Variants in MEIS1 observed in about 807,000 individuals in gnomAD.
MEIS1 encodes the protein homeobox protein Meis1.
A neutral mutation model predicts 50.8 loss-of-function variants in MEIS1; 5 were observed. That is an observed-to-expected ratio of 0.10 (90% CI 0.05 to 0.21). The LOEUF is 0.21. Ranked by LOEUF, MEIS1 falls within the 10% of genes least tolerant of loss-of-function variation. MEIS1 has a pLI of 1.00. For synonymous variants in MEIS1, 176 were observed against 179.3 expected (o/e 0.98, Z 0.15); for missense variants, 318 against 517.3 (o/e 0.61, Z 3.74).
At chr2:66,487,493 C>A (rs1673172025) in intron 7 of MEIS1, among the ~76,000 whole-genome samples, 1 of 152,152 alleles carries the variant, frequency 6.6e-6, no homozygotes, top group African/African-American at 2.4e-5. Flanking sequence ...ACTGTTTAAC[C>A]ACTTATTTTG....
chr2:66,515,208 C>T (rs10865354), intron 8 of MEIS1, among the ~76,000 whole-genome samples: 78,219 of 152,076 alleles, frequency 0.51, 22,072 homozygotes, highest in African/African-American at 0.76. Context: ...TATTAGTAAA[C>T]TGTAAACTAG....
Position 66,547,982 on chromosome 2 carries a change from C to A in MEIS1, c.928C>A (p.Gln310Lys). 6.2e-7 allele frequency: 1 copy of A among 1,613,112 alleles called. No individual in the cohort carries two copies. The highest frequency in any genetic ancestry group is 8.5e-7 in the Non-Finnish European group (1 of 1,179,274). ...PSEEQKKQLA[Q>K]DTGLTILQVN... is the part of the protein sequence containing the mutation. ...TGAAGAACAGAAAAAGCAGTTGGCA[C>A]AAGACACGGGACTCACCATCCTTCA... The change falls in exon 9 of 13, where the codon CAA (glutamine) becomes AAA (lysine). Residue 310 changes from glutamine to lysine, a missense_variant. By Grantham distance (53) the Gln-to-Lys change is moderately conservative (BLOSUM62 1). Around this residue, in one of 6 missense-constraint regions of MEIS1, gnomAD observed 40 missense variants for 102.8 expected, o/e 0.39. Coordinates refer to ENST00000272369, the MANE Select transcript of MEIS1 (RefSeq NM_002398.3).
intron 7 of MEIS1, among the ~76,000 whole-genome samples, chr2:66,490,769 T>C (rs1673252608): frequency 6.6e-6 from 1 of 152,132 alleles, no homozygotes; most frequent in Non-Finnish European, 1.5e-5. Flanking sequence ...GCTTCCATTG[T>C]TTGTCCCCAC....
At chr2:66,555,289 C>T (rs1243545506) in intron 9 of MEIS1, among the ~76,000 whole-genome samples, 4 of 132,620 alleles carry the variant, frequency 3.0e-5, no homozygotes, top group Non-Finnish European at 6.3e-5. Flanking sequence ...TCGTCTCTCT[C>T]CACCCCCCAA....
intron 7 of MEIS1, among the ~76,000 whole-genome samples, chr2:66,510,257 A>AG (rs1673793406): frequency 6.6e-6 from 1 of 152,216 alleles, no homozygotes; most frequent in Non-Finnish European, 1.5e-5. Flanking sequence ...GGCAAATCCA[A>AG]GGGGACTTCT....
rs561649921 is a variant in MEIS1, at chr2:66,435,434, G to A, written c.-423G>A. ...GTTCTGACCAGAAGAAGACAGAGCGGATGATCATTCATTCACCACGTTGAC... is the reference window on the plus strand; with the variant it reads ...GTTCTGACCAGAAGAAGACAGAGCGAATGATCATTCATTCACCACGTTGAC... On this transcript the variant is annotated 5_prime_UTR_variant, in exon 1 of 13. Transcript: ENST00000272369. 2 of 295,880 alleles carry A rather than the reference G, an allele frequency of 6.8e-6. No homozygotes were observed. The highest frequency in any genetic ancestry group is 5.0e-5 in the Admixed American group (1 of 19,934). 18.3% of individuals were successfully genotyped at this position (295,880 alleles called of 1,614,324 possible).
At chr2:66,566,114 A>G (rs1371014745) in intron 9 of MEIS1, among the ~76,000 whole-genome samples, 1 of 152,312 alleles carries the variant, frequency 6.6e-6, no homozygotes, top group South Asian at 2.1e-4. Flanking sequence ...CAGGGACTTC[A>G]TATACAAGAA....
At chr2:66,500,925 A>G (rs531739856) in intron 7 of MEIS1, among the ~76,000 whole-genome samples, 2 of 152,314 alleles carry the variant, frequency 1.3e-5, no homozygotes, top group East Asian at 3.9e-4. Context: ...TTTTGCAGAT[A>G]TCACAAAAAT....
At chr2:66,524,448 G>C (rs1674200168) in intron 8 of MEIS1, among the ~76,000 whole-genome samples, 1 of 152,080 alleles carries the variant, frequency 6.6e-6, no homozygotes, top group Non-Finnish European at 1.5e-5. Flanking sequence ...TGTAGTCCCA[G>C]CTACTTGGGA....
At chr2:66,481,850 CTTTTT>C (rs996753363) in intron 7 of MEIS1, among the ~76,000 whole-genome samples, 2 of 90,180 alleles carry the variant, frequency 2.2e-5, no homozygotes, top group African/African-American at 7.9e-5. Flanking sequence ...TCTGATATTT[CTTTTT>C]TTTTTTTTTT....
intron 6 of MEIS1, among the ~76,000 whole-genome samples, chr2:66,452,748 T>C (rs1672304028): frequency 6.6e-6 from 1 of 152,002 alleles, no homozygotes; most frequent in Non-Finnish European, 1.5e-5. Flanking sequence ...AAGAATGTTG[T>C]TCATAAAGTT....
chr2:66,485,564 G>A (rs772805047), intron 7 of MEIS1, among the ~76,000 whole-genome samples: 70 of 152,218 alleles, frequency 4.6e-4, no homozygotes, highest in Non-Finnish European at 8.8e-4. Flanking sequence ...AAACATGTGT[G>A]TGCATGTGTC....
At chr2:66,443,270 A>T in intron 6 of MEIS1, 1 of 511,630 alleles carries the variant, frequency 2.0e-6, no homozygotes, top group Non-Finnish European at 3.3e-6. Context: ...AAGCTTTGCT[A>T]GCAAACTTGA....
chr2:66,523,748 T>C (rs1314534322), intron 8 of MEIS1, among the ~76,000 whole-genome samples: 1 of 152,230 alleles, frequency 6.6e-6, no homozygotes, highest in Non-Finnish European at 1.5e-5. Flanking sequence ...TATTTTACAT[T>C]TGAACTAACA....
At chr2:66,568,075 T>G (rs898697108) in intron 10 of MEIS1, 1 of 159,292 alleles carries the variant, frequency 6.3e-6, no homozygotes, top group African/African-American at 2.4e-5. Flanking sequence ...TCAGACCTTC[T>G]CTTGTTAATA....
At chr2:66,554,546 A>G (rs966969044) in intron 9 of MEIS1, among the ~76,000 whole-genome samples, 3 of 152,196 alleles carry the variant, frequency 2.0e-5, no homozygotes, top group Non-Finnish European at 4.4e-5. Flanking sequence ...GGAAGGGGAA[A>G]TGCAGGGACA....
intron 8 of MEIS1, among the ~76,000 whole-genome samples, chr2:66,530,923 G>T (rs1347871685): frequency 1.3e-5 from 2 of 152,212 alleles, no homozygotes; most frequent in African/African-American, 4.8e-5. Flanking sequence ...GATAACCTTT[G>T]CATGTGAGTT....
At chr2:66,496,204 A>C (rs1052845033) in intron 7 of MEIS1, 1 of 152,210 alleles carries the variant, frequency 6.6e-6, no homozygotes, top group African/African-American at 2.4e-5. Context: ...ATTTCAGGTT[A>C]GCACACTGTG....
At chr2:66,475,432 A>T (rs973934092) in intron 7 of MEIS1, among the ~76,000 whole-genome samples, 2 of 151,170 alleles carry the variant, frequency 1.3e-5, no homozygotes, top group African/African-American at 4.8e-5. Context: ...TTTATAGTAT[A>T]CAATAGGATA....
Sources: allele counts gnomAD v4.1 joint callset (sites outside exome capture counted in the v4.1 genomes callset), GRCh38; gene constraint gnomAD v4.1.1; regional missense constraint gnomAD v4.1.1; transcripts MANE v1.5; gene names NCBI Gene and HGNC (gene_info 2026-07-23, HGNC 2026-07-21).